Variants in SLC39A11 observed in about 807,000 individuals in gnomAD.
SLC39A11 encodes solute carrier family 39 member 11.
A neutral mutation model predicts 36.1 loss-of-function variants in SLC39A11; 33 were observed. The ratio of observed to expected loss-of-function variants is 0.91; its 90% CI spans 0.69 to 1.22. The LOEUF is 1.22. Among genes scored for constraint, SLC39A11 ranks in the 50% most tolerant of loss-of-function variants. The probability of loss-of-function intolerance (pLI) is 0.00; values close to 1 mark genes in which losing one functional copy is unlikely to be tolerated. For synonymous variants in SLC39A11, 166 were observed against 170.3 expected, an observed-to-expected ratio of 0.97 and a Z score of 0.20; for missense variants, 432 against 430.3, an observed-to-expected ratio of 1.00 and a Z score of -0.03.
At chr17:72,832,430 C>T (rs1038414303) in intron 6 of SLC39A11, among the ~76,000 whole-genome samples, 10 of 152,198 alleles carry the variant, frequency 6.6e-5, no homozygotes, top group African/African-American at 2.2e-4. Flanking sequence ...CTGAGCTCAT[C>T]GCCTCTGAAT....
intron 6 of SLC39A11, among the ~76,000 whole-genome samples, chr17:72,761,460 G>A (rs918038451): frequency 6.6e-6 from 1 of 152,186 alleles, no homozygotes; most frequent in South Asian, 2.1e-4. Context: ...CAGTGCAAGA[G>A]CTCAAACATA....
chr17:72,667,050 C>T (rs566644648), intron 7 of SLC39A11, among the ~76,000 whole-genome samples: 5 of 152,238 alleles, frequency 3.3e-5, no homozygotes, highest in Non-Finnish European at 7.4e-5. Context: ...AAAGTTTAAG[C>T]GGCAATAGAG....
chr17:73,026,943 C>G (rs1048551315), intron 4 of SLC39A11, among the ~76,000 whole-genome samples: 1 of 151,918 alleles, frequency 6.6e-6, no homozygotes, highest in Non-Finnish European at 1.5e-5. Flanking sequence ...CATAGGGAGA[C>G]TCCTGTCTCT....
intron 4 of SLC39A11, among the ~76,000 whole-genome samples, chr17:73,016,735 C>T (rs2058181408): frequency 6.6e-6 from 1 of 152,192 alleles, no homozygotes; most frequent in South Asian, 2.1e-4. Flanking sequence ...AGAGTTAAGG[C>T]AGCTGTGGCA....
chr17:73,081,670 C>CATATATGTATAGATGTATGT (rs1568242944), intron 3 of SLC39A11, among the ~76,000 whole-genome samples: 1 of 82,206 alleles, frequency 1.2e-5, no homozygotes. Context: ...CACACACACA[C>CATATATGTATAGATGTATGT]ATATATATAC....
At chr17:72,852,715 T>C (rs1356713710) in intron 5 of SLC39A11, among the ~76,000 whole-genome samples, 2 of 152,240 alleles carry the variant, frequency 1.3e-5, no homozygotes, top group Non-Finnish European at 1.5e-5. Context: ...AGGGGTTTTA[T>C]ACATTTTGAG....
At chr17:72,683,662 G>A (rs1243596230) in intron 7 of SLC39A11, among the ~76,000 whole-genome samples, 1 of 151,838 alleles carries the variant, frequency 6.6e-6, no homozygotes, top group Non-Finnish European at 1.5e-5. Context: ...GGTCAACAGG[G>A]GATTACACAC....
intron 6 of SLC39A11, among the ~76,000 whole-genome samples, chr17:72,800,566 C>T (rs1277589163): frequency 7.9e-5 from 12 of 152,154 alleles, no homozygotes; most frequent in Admixed American, 7.9e-4. Context: ...CCACCTCAGC[C>T]TCCCAAAGTG....
intron 5 of SLC39A11, among the ~76,000 whole-genome samples, chr17:72,883,864 G>A (rs2081329233): frequency 6.6e-6 from 1 of 152,146 alleles, no homozygotes; most frequent in Non-Finnish European, 1.5e-5. Flanking sequence ...CCATAGAAAG[G>A]AGAATCTGGG....
chr17:72,985,052 G>A (rs9894611), intron 4 of SLC39A11, among the ~76,000 whole-genome samples: 1 of 151,870 alleles, frequency 6.6e-6, no homozygotes, highest in Non-Finnish European at 1.5e-5. Context: ...AGGAGGCCCA[G>A]CCGGGCTAGA....
chr17:72,940,568 G>A (rs547631298), intron 5 of SLC39A11, among the ~76,000 whole-genome samples: 3 of 152,304 alleles, frequency 2.0e-5, no homozygotes, highest in African/African-American at 4.8e-5. Context: ...GAGCCACTGC[G>A]CCCGGCCCTG....
chr17:72,895,631 T>C (rs1300113178), intron 5 of SLC39A11, among the ~76,000 whole-genome samples: 4 of 151,632 alleles, frequency 2.6e-5, no homozygotes, highest in Non-Finnish European at 2.9e-5. Flanking sequence ...CTAAACATGC[T>C]GTTTATATCA....
intron 5 of SLC39A11, among the ~76,000 whole-genome samples, chr17:72,877,151 T>C (rs1045843716): frequency 1.3e-5 from 2 of 152,220 alleles, no homozygotes; most frequent in African/African-American, 4.8e-5. Context: ...CACACACACA[T>C]ACACTCCCTT....
intron 6 of SLC39A11, among the ~76,000 whole-genome samples, chr17:72,836,791 T>C (rs1205695134): frequency 6.6e-6 from 1 of 152,122 alleles, no homozygotes; most frequent in Non-Finnish European, 1.5e-5. Context: ...TATTGGTATA[T>C]TTTATTATGG....
intron 6 of SLC39A11, among the ~76,000 whole-genome samples, chr17:72,776,333 C>G (rs1598679936): frequency 6.6e-6 from 1 of 152,164 alleles, no homozygotes. Context: ...ATTTAAAGTT[C>G]TTACAAACAA....
At chr17:73,015,913 G>A (rs1303345452) in intron 4 of SLC39A11, among the ~76,000 whole-genome samples, 5 of 152,114 alleles carry the variant, frequency 3.3e-5, no homozygotes, top group African/African-American at 1.2e-4. Context: ...TGAAAAGAAT[G>A]AGGAATGGCG....
chr17:72,771,492 C>T (rs1462817099), intron 6 of SLC39A11, among the ~76,000 whole-genome samples: 1 of 152,072 alleles, frequency 6.6e-6, no homozygotes, highest in Non-Finnish European at 1.5e-5. Context: ...GGGGGGGTTA[C>T]AGCATACCTG....
At chr17:72,923,346 G>A (rs546261401) in intron 5 of SLC39A11, among the ~76,000 whole-genome samples, 20 of 152,228 alleles carry the variant, frequency 1.3e-4, no homozygotes, top group Non-Finnish European at 2.5e-4. Context: ...TGGCCAATGT[G>A]GACTGGCCCT....
intron 6 of SLC39A11, among the ~76,000 whole-genome samples, chr17:72,828,670 C>T (rs1312081073): frequency 6.6e-6 from 1 of 152,192 alleles, no homozygotes; most frequent in Non-Finnish European, 1.5e-5. Flanking sequence ...GGTTTTCGCA[C>T]CTGTGGGCCA....
Sources: gnomAD v4.1 joint callset for allele counts (sites outside exome capture counted in the v4.1 genomes callset) on GRCh38, gnomAD v4.1.1 for gene constraint, MANE v1.5 for transcripts, NCBI Gene and HGNC (gene_info 2026-07-23, HGNC 2026-07-21) for gene names.